Variants in PTPN5 observed in about 807,000 individuals in gnomAD.
PTPN5 encodes protein tyrosine phosphatase non-receptor type 5, also known as tyrosine-protein phosphatase non-receptor type 5.
PTPN5 carries 29 observed loss-of-function variants against 73.9 expected under a neutral mutation model. The ratio of observed to expected loss-of-function variants is 0.39; its 90% CI spans 0.29 to 0.54. PTPN5 has a LOEUF of 0.54. Ranked by LOEUF, PTPN5 falls within the 20% of genes least tolerant of loss-of-function variation. The pLI, the probability that PTPN5 is intolerant of heterozygous loss-of-function variation, is 0.65. For synonymous variants in PTPN5, 267 were observed against 304.7 expected (o/e 0.88, Z 1.29); for missense variants, 652 against 751.4 (o/e 0.87, Z 1.55).
At chr11:18,744,575 A>T (rs1315072147) in intron 3 of PTPN5, among the ~76,000 whole-genome samples, 12 of 152,104 alleles carry the variant, frequency 7.9e-5, no homozygotes, top group African/African-American at 2.2e-4. Flanking sequence ...ACATGGCATA[A>T]CCAGGCCATG....
chr11:18,782,609 T>C (rs1407710445), intron 1 of PTPN5, among the ~76,000 whole-genome samples: 2 of 152,190 alleles, frequency 1.3e-5, no homozygotes, highest in Admixed American at 1.3e-4. Flanking sequence ...ACAAAATCCA[T>C]CTACAATGAT....
intron 8 of PTPN5, 109 bp from the exon 9 acceptor site, chr11:18,738,073 G>A (rs897974421): frequency 2.8e-5 from 23 of 808,394 alleles, no homozygotes; most frequent in Non-Finnish European, 4.5e-5. Context: ...TTGAGTGCAC[G>A]CATTCATTCA....
chr11:18,740,504 G>GCAT (rs1265117753), intron 8 of PTPN5, 99 bp downstream of exon 8: 60 of 1,092,426 alleles, frequency 5.5e-5, no homozygotes, highest in Non-Finnish European at 7.4e-5. Flanking sequence ...CTAATCTACT[G>GCAT]CAGATGCTGA....
intron 1 of PTPN5, among the ~76,000 whole-genome samples, chr11:18,778,926 G>A (rs1010677868): frequency 6.6e-6 from 1 of 152,148 alleles, no homozygotes; most frequent in Admixed American, 6.5e-5. Context: ...TTCATCCCTA[G>A]ACTTCCCTCA....
intron 3 of PTPN5, among the ~76,000 whole-genome samples, chr11:18,760,355 A>AGGCCT (rs1383515848): frequency 1.3e-5 from 2 of 152,196 alleles, no homozygotes; most frequent in African/African-American, 4.8e-5. Context: ...TCCTTGATTC[A>AGGCCT]GGCCTCCAGC....
At chr11:18,749,276 G>A (rs1008988062) in intron 3 of PTPN5, among the ~76,000 whole-genome samples, 2 of 152,164 alleles carry the variant, frequency 1.3e-5, no homozygotes, top group African/African-American at 4.8e-5. Context: ...GGCTCCTCAT[G>A]GACTCACCTC....
At position 18,744,024 on chromosome 11, in the gene PTPN5, G is replaced by T; in HGVS notation, c.273C>A (p.Phe91Leu). The change falls in exon 4 of 15, where the codon TTC (phenylalanine) becomes TTA (leucine). Residue 91 changes from phenylalanine (F) to leucine (L), a missense_variant. Phe to Leu is a conservative substitution (Grantham distance 22). Around this residue, in one of 3 missense-constraint regions of PTPN5, gnomAD observed 529 missense variants for 573.9 expected, o/e 0.92. Transcript: ENST00000358540. The stretch of plus-strand genomic sequence containing the variant: ...TCCTTACCAGGAACTGTGAGGCAGC[G>T]AACAGGCACAGGCTGCTCCTGACAG... ...SLTVRSSLCLFAASQFLLACG... is the reference protein window; with the variant it reads ...SLTVRSSLCLLAASQFLLACG... The T allele has an allele frequency of 1.9e-6, 3 of 1,603,304 alleles. No individual in the cohort carries two copies. Among genetic ancestry groups the T allele is most frequent in the Middle Eastern group, 1.7e-4 (1 of 6,012 alleles).
intron 1 of PTPN5, among the ~76,000 whole-genome samples, chr11:18,790,066 C>T (rs966423688): frequency 2.6e-5 from 4 of 151,940 alleles, no homozygotes; most frequent in African/African-American, 4.8e-5. Context: ...CTTCACCATC[C>T]GTCTATGCTT....
chr11:18,768,361 G>C (rs1319111363), intron 2 of PTPN5, among the ~76,000 whole-genome samples: 1 of 152,194 alleles, frequency 6.6e-6, no homozygotes, highest in Non-Finnish European at 1.5e-5. Flanking sequence ...ATACTGAGTT[G>C]GTGGTGGCCA....
At chr11:18,758,091 G>C (rs567725467) in intron 3 of PTPN5, among the ~76,000 whole-genome samples, 2 of 152,304 alleles carry the variant, frequency 1.3e-5, no homozygotes, top group Non-Finnish European at 2.9e-5. Context: ...CTTTAGGAGA[G>C]GATGAAGCTA....
In PTPN5 at chr11:18,742,246, C is replaced by G; in HGVS notation, c.725+16G>C. On this transcript the variant is annotated intron_variant, in intron 7 of 14. Coordinates refer to ENST00000358540, the MANE Select transcript of PTPN5 (RefSeq NM_006906.2). This position sits in a 1 kb window ranked among gnomAD's most constrained non-coding sequence, Gnocchi z 4.1. ...TCAAGGGCCCGTGGAGCCCACCCCT[C>G]CTCCACCCCTCCCACCTCTCCTGCA... 6.2e-7 allele frequency: 1 copy of G among 1,613,522 alleles called. No individual in the cohort carries two copies. Among genetic ancestry groups the G allele is most frequent in the Middle Eastern group, 1.7e-4 (1 of 6,060 alleles).
chr11:18,759,127 C>T lies in PTPN5; in HGVS notation c.97+6680G>A, dbSNP rs58986858. Reference sequence around the variant, plus strand: ...TGCTGTAGAACTGGCCTGGACCTGACGCCCGAGCCCCAGGCACAGGAACAC... The same window carrying T: ...TGCTGTAGAACTGGCCTGGACCTGATGCCCGAGCCCCAGGCACAGGAACAC... On this transcript the variant is annotated intron_variant, in intron 3 of 14. Coordinates refer to ENST00000358540, the MANE Select transcript of PTPN5 (RefSeq NM_006906.2). 1.7e-3 allele frequency among the ~76,000 whole-genome samples: 263 copies of T among 152,212 alleles called. 2 individuals are homozygous for T. Among genetic ancestry groups the T allele is most frequent in the African/African-American group, 6.0e-3 (248 of 41,514 alleles).
chr11:18,751,307 G>T (rs541545659), intron 3 of PTPN5, among the ~76,000 whole-genome samples: 1 of 152,288 alleles, frequency 6.6e-6, no homozygotes, highest in African/African-American at 2.4e-5. Flanking sequence ...CCAAGCACTT[G>T]CTCTATGCCT....
chr11:18,742,871 A>G lies in PTPN5; in HGVS notation c.483+121T>C, dbSNP rs1165521954. 4.1e-6 allele frequency: 3 copies of G among 732,914 alleles called. No individual in the cohort carries two copies. The highest frequency in any genetic ancestry group is 5.4e-5 in the East Asian group (2 of 37,200). 45.4% of individuals were successfully genotyped at this position (732,914 alleles called of 1,614,324 possible). A position where few individuals can be genotyped will look rare whatever the true frequency, so the allele number is the denominator to read the frequency against. ...GGCTGGCACACTTGTGCAAAGAGAT[A>G]GGTATCCCTCCTTGCCCCACCCAGA... On this transcript the variant is annotated intron_variant, in intron 6 of 14. Coordinates refer to ENST00000358540, the MANE Select transcript of PTPN5 (RefSeq NM_006906.2). The surrounding 1 kb of genome is among the most constrained non-coding windows in gnomAD (Gnocchi z 4.1).
At chr11:18,789,354 C>T (rs993544554) in intron 1 of PTPN5, among the ~76,000 whole-genome samples, 16 of 152,192 alleles carry the variant, frequency 1.1e-4, no homozygotes, top group African/African-American at 3.6e-4. Flanking sequence ...ATCATCAATC[C>T]AATGATGTTA....
chr11:18,729,164 A>G lies in PTPN5; in HGVS notation c.1605-137T>C, dbSNP rs1848757702. 6.4e-6 allele frequency: 5 copies of G among 782,104 alleles called. No homozygotes were observed. The highest frequency in any genetic ancestry group is 1.0e-5 in the Non-Finnish European group (5 of 482,880). 48.4% of individuals were successfully genotyped at this position (782,104 alleles called of 1,614,324 possible). ...TTGGAGAGACCAACCCTTGCCAACC[A>G]TTACCCTCTGCCCCTTCCTATCAGG... On this transcript the variant is annotated intron_variant, in intron 14 of 14. Transcript: ENST00000358540. This position sits in a 1 kb window ranked among gnomAD's most constrained non-coding sequence, Gnocchi z 5.2.
intron 3 of PTPN5, among the ~76,000 whole-genome samples, chr11:18,761,508 AAG>A (rs1850389650): frequency 6.6e-6 from 1 of 152,120 alleles, no homozygotes; most frequent in Admixed American, 6.5e-5. Context: ...GGAAGAGTGA[AAG>A]AGAAGAGGAG....
intron 9 of PTPN5, among the ~76,000 whole-genome samples, chr11:18,734,632 C>A (rs1849036636): frequency 6.6e-6 from 1 of 152,226 alleles, no homozygotes; most frequent in Non-Finnish European, 1.5e-5. Flanking sequence ...CTGTGCCCAG[C>A]CCCCACTCTG....
chr11:18,791,142 G>A (rs1194690164), intron 1 of PTPN5, among the ~76,000 whole-genome samples: 2 of 152,234 alleles, frequency 1.3e-5, no homozygotes, highest in African/African-American at 4.8e-5. Context: ...GAAGGCTAGC[G>A]GCGATTTCCA....
Sources: allele counts gnomAD v4.1 joint callset (sites outside exome capture counted in the v4.1 genomes callset), GRCh38; gene constraint gnomAD v4.1.1; regional missense constraint gnomAD v4.1.1; non-coding constraint Gnocchi (gnomAD v3.1); transcripts MANE v1.5; gene names NCBI Gene and HGNC (gene_info 2026-07-23, HGNC 2026-07-21).